Variants in PLPP3 observed in about 807,000 individuals in gnomAD.
The protein encoded by PLPP3 is PAP2 beta.
PLPP3 carries 6 observed loss-of-function variants against 29.6 expected under a neutral mutation model. The observed-to-expected ratio is 0.20, with a 90% confidence interval of 0.11 to 0.40. The LOEUF (loss-of-function observed/expected upper bound fraction) is 0.40, where lower values mean the gene tolerates loss of function less well. PLPP3 is among the 10% of genes least tolerant of loss of function. PLPP3 has a pLI of 1.00. For missense variants in PLPP3, 308 were observed against 407.7 expected, an observed-to-expected ratio of 0.76 and a Z score of 2.11; for synonymous variants, 152 against 159.7, an observed-to-expected ratio of 0.95 and a Z score of 0.36.
intron 1 of PLPP3, among the ~76,000 whole-genome samples, chr1:56,549,460 T>G (rs778502222): frequency 7.2e-5 from 11 of 152,194 alleles, no homozygotes; most frequent in Non-Finnish European, 1.5e-4. Context: ...GGATCACACT[T>G]CCTCATCTGC....
chr1:56,512,172 A>C lies in PLPP3; in HGVS notation c.634-20T>G. 1.3e-6 allele frequency: 2 copies of C among 1,561,504 alleles called. No homozygotes were observed. The highest frequency in any genetic ancestry group is 2.4e-5 in the South Asian group (2 of 83,440). On this transcript the variant is annotated intron_variant, in intron 4 of 5. Coordinates refer to ENST00000371250, the MANE Select transcript of PLPP3 (RefSeq NM_003713.5). ...GTATAGCTGGAGAAAGGAGACAAAAAGGAACAGACATTAAGTGACTCCCCA... is the reference window on the plus strand; with the variant it reads ...GTATAGCTGGAGAAAGGAGACAAAACGGAACAGACATTAAGTGACTCCCCA...
At chr1:56,546,163 G>T (rs1353247406) in intron 1 of PLPP3, among the ~76,000 whole-genome samples, 1 of 152,218 alleles carries the variant, frequency 6.6e-6, no homozygotes, top group African/African-American at 2.4e-5. Context: ...GGCAATGCAG[G>T]CAGTAATAAC....
chr1:56,550,973 G>T (rs960496022), intron 1 of PLPP3, among the ~76,000 whole-genome samples: 1 of 152,160 alleles, frequency 6.6e-6, no homozygotes, highest in African/African-American at 2.4e-5. Flanking sequence ...ATTGTTCAAA[G>T]GCCTGAGGAA....
chr1:56,555,462 A>AC (rs1646070322), intron 1 of PLPP3, among the ~76,000 whole-genome samples: 7 of 115,252 alleles, frequency 6.1e-5, no homozygotes, highest in Admixed American at 1.9e-4. Context: ...AAAAAAAAAC[A>AC]AAAAACAAAC....
chr1:56,497,846 C>T (rs1557495110), intron 5 of PLPP3, among the ~76,000 whole-genome samples: 1 of 152,146 alleles, frequency 6.6e-6, no homozygotes, highest in Non-Finnish European at 1.5e-5. Flanking sequence ...TCTGTAGCAA[C>T]ACGGCAATCA....
chr1:56,533,721 C>T (rs869934), intron 2 of PLPP3, among the ~76,000 whole-genome samples: 25,525 of 152,144 alleles, frequency 0.17, 2,451 homozygotes, highest in Admixed American at 0.25. Flanking sequence ...GATTTGACAA[C>T]CAAAACAAGC....
chr1:56,570,735 T>TA (rs1646191946), intron 1 of PLPP3, among the ~76,000 whole-genome samples: 1 of 152,100 alleles, frequency 6.6e-6, no homozygotes, highest in Non-Finnish European at 1.5e-5. Flanking sequence ...GAGAGGCTTT[T>TA]AAAAAGCAAA....
rs575257775 is a variant in PLPP3, at chr1:56,573,316, A to G, written c.139+5562T>C. Among the ~76,000 whole-genome samples, 6 of 152,318 alleles carry G rather than the reference A, an allele frequency of 3.9e-5. No homozygotes were observed. The South Asian group carries it at 1.0e-3, about 26-fold the overall frequency. ...CACCTTCAGGTCTGCATCCAGGGGT[A>G]ATTTTCCATTCGGAAGAATTCTTGC... On this transcript the variant is annotated intron_variant, in intron 1 of 5. Coordinates refer to ENST00000371250, the MANE Select transcript of PLPP3 (RefSeq NM_003713.5).
At chr1:56,566,908 A>G (rs1215214336) in intron 1 of PLPP3, among the ~76,000 whole-genome samples, 3 of 152,216 alleles carry the variant, frequency 2.0e-5, no homozygotes, top group Non-Finnish European at 4.4e-5. Flanking sequence ...GATGACAACT[A>G]CACATACACA....
At chr1:56,537,202 A>G in intron 1 of PLPP3, 90 bp from the exon 2 acceptor site, 1 of 1,352,422 alleles carries the variant, frequency 7.4e-7, no homozygotes, top group Non-Finnish European at 1.0e-6. Flanking sequence ...CTTCAAGAAA[A>G]GACCATCCCA....
At chr1:56,504,273 T>C (rs1645687086) in intron 5 of PLPP3, among the ~76,000 whole-genome samples, 1 of 152,188 alleles carries the variant, frequency 6.6e-6, no homozygotes, top group Admixed American at 6.5e-5. Flanking sequence ...AAGGCCAGCC[T>C]GGGCAACATA....
intron 1 of PLPP3, among the ~76,000 whole-genome samples, chr1:56,561,924 A>G (rs1646131987): frequency 6.6e-6 from 1 of 151,026 alleles, no homozygotes; most frequent in Non-Finnish European, 1.5e-5. Flanking sequence ...AATCCCAGCT[A>G]CTCAGAAGGC....
At chr1:56,528,399 A>G (rs1645866162) in intron 2 of PLPP3, among the ~76,000 whole-genome samples, 1 of 152,166 alleles carries the variant, frequency 6.6e-6, no homozygotes, top group South Asian at 2.1e-4. Context: ...GGAAATATGA[A>G]GAAAAATTAG....
intron 1 of PLPP3, among the ~76,000 whole-genome samples, chr1:56,567,085 A>C (rs560976056): frequency 9.7e-4 from 147 of 152,316 alleles, no homozygotes; most frequent in African/African-American, 3.4e-3. Flanking sequence ...CTGAAGATCC[A>C]TTCTTTGTTC....
chr1:56,559,162 C>T (rs1485826578), intron 1 of PLPP3, among the ~76,000 whole-genome samples: 1 of 152,102 alleles, frequency 6.6e-6, no homozygotes, highest in African/African-American at 2.4e-5. Flanking sequence ...AATGGAAACT[C>T]TTCGTATAGG....
At chr1:56,525,120 A>T (rs1028268622) in intron 2 of PLPP3, among the ~76,000 whole-genome samples, 7 of 152,130 alleles carry the variant, frequency 4.6e-5, no homozygotes, top group Non-Finnish European at 8.8e-5. Flanking sequence ...CTTCAGCAAT[A>T]ATCTACATCC....
chr1:56,530,354 C>A (rs1484969885), intron 2 of PLPP3, among the ~76,000 whole-genome samples: 1 of 79,130 alleles, frequency 1.3e-5, no homozygotes, highest in African/African-American at 5.9e-5. Flanking sequence ...CTGTCTCTCT[C>A]TAGCTTCAGC....
chr1:56,497,434 G>A (rs147527782), intron 5 of PLPP3, among the ~76,000 whole-genome samples: 1 of 152,312 alleles, frequency 6.6e-6, no homozygotes, highest in Non-Finnish European at 1.5e-5. Context: ...GGTTTGATGA[G>A]CTACTGGAGT....
chr1:56,568,403 C>G (rs142376386), intron 1 of PLPP3, among the ~76,000 whole-genome samples: 1 of 152,180 alleles, frequency 6.6e-6, no homozygotes, highest in Non-Finnish European at 1.5e-5. Context: ...GGATTTATAG[C>G]CCACTTATTT....
Sources: gnomAD v4.1 joint callset for allele counts (sites outside exome capture counted in the v4.1 genomes callset) on GRCh38, gnomAD v4.1.1 for gene constraint, MANE v1.5 for transcripts, NCBI Gene and HGNC (gene_info 2026-07-23, HGNC 2026-07-21) for gene names.